The following ST8SIA6 variants were observed in gnomAD, a reference collection of about 807,000 sequenced individuals.
The protein encoded by ST8SIA6 is ST8 alpha-N-acetyl-neuraminide alpha-2,8-sialyltransferase 6, also known as alpha-2,8-sialyltransferase 8F.
A neutral mutation model predicts 33.6 loss-of-function variants in ST8SIA6; 39 were observed. The observed-to-expected ratio is 1.16, with a 90% CI of 0.90 to 1.52. The LOEUF is 1.52. Ranked by LOEUF, ST8SIA6 falls within the 40% of genes most tolerant of loss-of-function variation. The pLI is 0.00. For missense variants in ST8SIA6, 441 were observed against 443.8 expected (o/e 0.99, Z 0.06); for synonymous variants, 172 against 167.2 (o/e 1.03, Z -0.22).
At chr10:17,427,102 T>TG (rs1175941222) in intron 2 of ST8SIA6, among the ~76,000 whole-genome samples, 31 of 87,066 alleles carry the variant, frequency 3.6e-4, no homozygotes, top group Non-Finnish European at 4.9e-4. Context: ...AGACTGTGTC[T>TG]GAAAAAAAAA....
chr10:17,387,528 A>G (rs1463405194), intron 3 of ST8SIA6, among the ~76,000 whole-genome samples: 4 of 151,862 alleles, frequency 2.6e-5, no homozygotes, highest in Admixed American at 6.6e-5. Flanking sequence ...CAGCCTCCCA[A>G]AGTGCTAGGA....
At chr10:17,348,111 ATTG>A (rs1464379837) in intron 4 of ST8SIA6, among the ~76,000 whole-genome samples, 1 of 151,808 alleles carries the variant, frequency 6.6e-6, no homozygotes, top group Non-Finnish European at 1.5e-5. Context: ...CACTGCTATT[ATTG>A]TTCAATGTGT....
chr10:17,414,838 T>G (rs1423169850), intron 2 of ST8SIA6, among the ~76,000 whole-genome samples: 1 of 152,216 alleles, frequency 6.6e-6, no homozygotes, highest in Non-Finnish European at 1.5e-5. Context: ...GGCTTCAACA[T>G]GAATTTTGGG....
At chr10:17,353,678 A>T (rs1362728085) in intron 4 of ST8SIA6, among the ~76,000 whole-genome samples, 1 of 152,230 alleles carries the variant, frequency 6.6e-6, no homozygotes, top group Non-Finnish European at 1.5e-5. Flanking sequence ...TCTGTAACAA[A>T]GTAATCAGGC....
rs1355714071 is a variant in ST8SIA6, at chr10:17,319,716, G to T, written c.*1162C>A. Among the ~76,000 whole-genome samples, 2 of 152,062 alleles carry T rather than the reference G, an allele frequency of 1.3e-5. No individual in the cohort carries two copies. The highest frequency in any genetic ancestry group is 2.9e-5 in the Non-Finnish European group (2 of 67,996). ...CTCTAAATGTCCTAACTATATGTAA[G>T]TTTTATTAAAATAGCATATAAAGTC... On this transcript the variant is annotated 3_prime_UTR_variant, in exon 8 of 8. Coordinates refer to ENST00000377602, the MANE Select transcript of ST8SIA6 (RefSeq NM_001004470.3).
rs115846414 is a variant in ST8SIA6, at chr10:17,447,782, A to C, written c.200+5777T>G. Among the ~76,000 whole-genome samples the C allele has an allele frequency of 6.1e-3, 925 of 152,208 alleles. 10 individuals carry two copies. Among genetic ancestry groups the C allele is most frequent in the African/African-American group, 0.021 (874 of 41,530 alleles). ...ACCCCTTTGCCACATGACCCCAAAA[A>C]CTATGTAGATTAATTTAACTAATAT... is the stretch of plus-strand genomic sequence containing the variant. On this transcript the variant is annotated intron_variant, in intron 2 of 7. Coordinates refer to ENST00000377602, the MANE Select transcript of ST8SIA6 (RefSeq NM_001004470.3).
At chr10:17,358,576 AAGG>A (rs753317261) in intron 4 of ST8SIA6, among the ~76,000 whole-genome samples, 3 of 151,626 alleles carry the variant, frequency 2.0e-5, no homozygotes, top group East Asian at 1.9e-4. Flanking sequence ...GAATGTGGAA[AAGG>A]AGGAGGAAGA....
chr10:17,361,259 T>C (rs1387721793), intron 3 of ST8SIA6, among the ~76,000 whole-genome samples: 2 of 151,990 alleles, frequency 1.3e-5, no homozygotes, highest in Middle Eastern at 3.4e-3. Context: ...TGATAAAAAC[T>C]CTTGCCACAC....
At chr10:17,386,920 C>T (rs1850381808) in intron 3 of ST8SIA6, 2 of 152,290 alleles carry the variant, frequency 1.3e-5, no homozygotes, top group South Asian at 4.1e-4. Context: ...CCGCCTTGCG[C>T]CTTGGGACTG....
intron 2 of ST8SIA6, among the ~76,000 whole-genome samples, chr10:17,406,635 G>A (rs926936406): frequency 2.0e-5 from 3 of 152,076 alleles, no homozygotes; most frequent in African/African-American, 4.8e-5. Flanking sequence ...TCTATACAGC[G>A]GCGGTTGTTA....
intron 3 of ST8SIA6, among the ~76,000 whole-genome samples, chr10:17,371,961 T>C (rs1849750854): frequency 6.6e-6 from 1 of 152,140 alleles, no homozygotes; most frequent in South Asian, 2.1e-4. Context: ...TTCTCAACCA[T>C]GTATACTTTG....
chr10:17,359,047 G>T (rs902696578), intron 4 of ST8SIA6, among the ~76,000 whole-genome samples: 1 of 152,114 alleles, frequency 6.6e-6, no homozygotes, highest in South Asian at 2.1e-4. Context: ...CTCCTTCCTG[G>T]GTTATTACTT....
chr10:17,341,070 C>G (rs781493452), intron 4 of ST8SIA6, among the ~76,000 whole-genome samples: 1 of 152,224 alleles, frequency 6.6e-6, no homozygotes, highest in Non-Finnish European at 1.5e-5. Context: ...TGGTTAGAGG[C>G]CATTGAAGTC....
At chr10:17,426,036 TTGCC>T (rs61700318) in intron 2 of ST8SIA6, among the ~76,000 whole-genome samples, 2,239 of 152,176 alleles carry the variant, frequency 0.015, 25 homozygotes, top group African/African-American at 0.034. Flanking sequence ...TGGGGTTCAG[TTGCC>T]TGCCACCCCA....
At chr10:17,450,719 G>A (rs1018486573) in intron 2 of ST8SIA6, among the ~76,000 whole-genome samples, 3 of 152,216 alleles carry the variant, frequency 2.0e-5, no homozygotes, top group Non-Finnish European at 4.4e-5. Flanking sequence ...TGGGATTACA[G>A]GCTTGAGCCT....
chr10:17,436,892 C>T (rs974249361), intron 2 of ST8SIA6, among the ~76,000 whole-genome samples: 12 of 152,212 alleles, frequency 7.9e-5, no homozygotes, highest in Non-Finnish European at 2.9e-5. Context: ...TGAGATATGC[C>T]TTTTACCTTC....
At position 17,319,160 on chromosome 10, in the gene ST8SIA6, A is replaced by G. The variant is rs182167596; in HGVS notation, c.*1718T>C. Among the ~76,000 whole-genome samples the G allele has an allele frequency of 1.6e-3, 240 of 152,348 alleles. 1 individual carries two copies. Among genetic ancestry groups the G allele is most frequent in the Admixed American group, 2.7e-3 (42 of 15,298 alleles). On this transcript the variant is annotated 3_prime_UTR_variant, in exon 8 of 8. Transcript: ENST00000377602. The stretch of plus-strand genomic sequence containing the variant: ...CAATGAATGTGTCTAAATATGACAG[A>G]TTATGGATATCGATAATACACCACA...
At chr10:17,370,156 T>C (rs568232094) in intron 3 of ST8SIA6, among the ~76,000 whole-genome samples, 26 of 152,218 alleles carry the variant, frequency 1.7e-4, no homozygotes, top group African/African-American at 6.0e-4. Context: ...AATTTTTTTT[T>C]GTATTTTTAG....
chr10:17,389,405 T>C (rs898068882), intron 3 of ST8SIA6, among the ~76,000 whole-genome samples: 2 of 152,198 alleles, frequency 1.3e-5, no homozygotes, highest in Non-Finnish European at 2.9e-5. Context: ...TAAAGCAAGA[T>C]GAAACTCGGG....
Sources: gnomAD v4.1 joint callset for allele counts (sites outside exome capture counted in the v4.1 genomes callset) on GRCh38, gnomAD v4.1.1 for gene constraint, MANE v1.5 for transcripts, NCBI Gene and HGNC (gene_info 2026-07-23, HGNC 2026-07-21) for gene names.